Variants in GPR63 observed in about 807,000 individuals in gnomAD.
GPR63 encodes the protein G protein-coupled receptor 63.
In GPR63, 12 loss-of-function variants were observed where a neutral mutation model predicts 23.1. That is an observed-to-expected ratio of 0.52 (90% CI 0.33 to 0.84). The LOEUF is 0.84. Ranked by LOEUF, GPR63 falls within the 40% of genes least tolerant of loss-of-function variation. The probability of loss-of-function intolerance (pLI) is 0.02; values close to 1 mark genes in which losing one functional copy is unlikely to be tolerated. For missense variants in GPR63, 472 were observed against 515.6 expected, an observed-to-expected ratio of 0.92 and a Z score of 0.82; for synonymous variants, 172 against 191.1, an observed-to-expected ratio of 0.90 and a Z score of 0.82.
At chr6:96,800,276 A>T (rs912791047) in intron 1 of GPR63, among the ~76,000 whole-genome samples, 2 of 151,308 alleles carry the variant, frequency 1.3e-5, no homozygotes, top group African/African-American at 4.9e-5. Flanking sequence ...CTTGAGCACT[A>T]TTTTTTTTTA....
chr6:96,801,478 C>T (rs969085808), intron 1 of GPR63, among the ~76,000 whole-genome samples: 1 of 152,126 alleles, frequency 6.6e-6, no homozygotes, highest in Non-Finnish European at 1.5e-5. Context: ...GGATTACAGG[C>T]GTGAGCCACT....
intron 1 of GPR63, among the ~76,000 whole-genome samples, chr6:96,820,449 T>C (rs1774285769): frequency 6.6e-6 from 1 of 152,194 alleles, no homozygotes; most frequent in Non-Finnish European, 1.5e-5. Flanking sequence ...AATTTAAATA[T>C]GGTGCTTTAC....
chr6:96,804,242 A>T (rs1773842814), intron 1 of GPR63, among the ~76,000 whole-genome samples: 1 of 151,924 alleles, frequency 6.6e-6, no homozygotes. Context: ...GGAGTGCTTT[A>T]TTTTATTTTT....
Position 96,795,735 on chromosome 6 carries a change from G to T in GPR63, c.*2737C>A, listed in dbSNP as rs1363301240. ...CAGTTTCACCTCCAGCCAAAAAGGA[G>T]TCTTCATGACCTATCAATATGTAAG... On this transcript the variant is annotated 3_prime_UTR_variant, in exon 2 of 2. Transcript: ENST00000229955. 6.6e-6 allele frequency: 1 copy of T among 152,174 alleles called. No individual in the cohort carries two copies. The allele number at this position is 152,174 out of a possible 1,614,324, so 9.4% of individuals were successfully genotyped here.
At chr6:96,832,570 G>C (rs1774615796) in intron 1 of GPR63, among the ~76,000 whole-genome samples, 1 of 151,924 alleles carries the variant, frequency 6.6e-6, no homozygotes, top group Non-Finnish European at 1.5e-5. Context: ...GCCATGCCTG[G>C]CCTCTAAATT....
At chr6:96,813,898 T>C (rs1181103568) in intron 1 of GPR63, among the ~76,000 whole-genome samples, 2 of 152,154 alleles carry the variant, frequency 1.3e-5, no homozygotes, top group African/African-American at 4.8e-5. Flanking sequence ...GATGGCATCA[T>C]ATGAACATCT....
intron 1 of GPR63, among the ~76,000 whole-genome samples, chr6:96,801,373 A>G (rs897008987): frequency 6.6e-6 from 1 of 151,866 alleles, no homozygotes; most frequent in East Asian, 1.9e-4. Context: ...CTAATTTTGT[A>G]TTTTTAGTAG....
intron 1 of GPR63, among the ~76,000 whole-genome samples, chr6:96,812,946 T>C (rs922614090): frequency 6.6e-6 from 1 of 152,096 alleles, no homozygotes; most frequent in Non-Finnish European, 1.5e-5. Context: ...AACTTCTACC[T>C]TCTATCTAAC....
At chr6:96,815,381 T>G (rs1774139095) in intron 1 of GPR63, among the ~76,000 whole-genome samples, 1 of 152,274 alleles carries the variant, frequency 6.6e-6, no homozygotes. Flanking sequence ...GTCAAACTCA[T>G]AGAAGCAGAG....
intron 1 of GPR63, among the ~76,000 whole-genome samples, chr6:96,835,678 A>T (rs763647989): frequency 7.2e-5 from 11 of 152,330 alleles, no homozygotes; most frequent in Non-Finnish European, 1.6e-4. Flanking sequence ...TGAAATTTTC[A>T]GAAAATGCTT....
rs1774761999 is a variant in GPR63 at position 96,837,337 on chromosome 6, C to CG, written c.-221dup. ...GAGCATGGCTCCATGTAGTCCCTCC[C>CG]GGAACTTTCCTGACATAGCACTTCT... On this transcript the variant is annotated 5_prime_UTR_variant, in exon 1 of 2. The change creates a premature stop within an existing upstream ORF in the 5' untranslated region. Coordinates refer to ENST00000229955, the MANE Select transcript of GPR63 (RefSeq NM_030784.4). The CG allele has an allele frequency of 6.6e-6, 1 of 152,392 alleles. No individual in the cohort carries two copies. The highest frequency in any genetic ancestry group is 1.5e-5 in the Non-Finnish European group (1 of 68,182). 9.4% of individuals were successfully genotyped at this position (152,392 alleles called of 1,614,324 possible).
At chr6:96,834,134 G>A (rs912925617) in intron 1 of GPR63, among the ~76,000 whole-genome samples, 5 of 152,148 alleles carry the variant, frequency 3.3e-5, no homozygotes, top group African/African-American at 7.2e-5. Context: ...CTGGTGCAGA[G>A]GCTAGAATGC....
intron 1 of GPR63, among the ~76,000 whole-genome samples, chr6:96,836,073 C>A (rs1049563040): frequency 2.6e-5 from 4 of 151,994 alleles, no homozygotes; most frequent in African/African-American, 9.7e-5. Flanking sequence ...GACTTTTCAT[C>A]AGCACCTTAG....
At chr6:96,816,539 GAA>G (rs1172363711) in intron 1 of GPR63, among the ~76,000 whole-genome samples, 1 of 152,134 alleles carries the variant, frequency 6.6e-6, no homozygotes, top group Non-Finnish European at 1.5e-5. Context: ...AAAGCAGGGA[GAA>G]CCTGAGAGGC....
chr6:96,833,842 G>A (rs1774653884), intron 1 of GPR63, among the ~76,000 whole-genome samples: 4 of 151,714 alleles, frequency 2.6e-5, no homozygotes, highest in African/African-American at 9.7e-5. Context: ...TTGTATCTGG[G>A]AAGATGTAAT....
chr6:96,822,318 C>A (rs2127956567), intron 1 of GPR63, among the ~76,000 whole-genome samples: 1 of 152,172 alleles, frequency 6.6e-6, no homozygotes, highest in East Asian at 1.9e-4. Context: ...TCTGTTTTGA[C>A]CTTGATTCAC....
At position 96,798,899 on chromosome 6, in the gene GPR63, CTA is replaced by C; in HGVS notation, c.831_832del (p.His277GlnfsTer4). Reference sequence around the variant, plus strand: ...GCTGAGGCATATACCTTCAGGGTAGCTATGGATCCTCAAGGCATTGTGCCGAA... The same window carrying C: ...GCTGAGGCATATACCTTCAGGGTAGCTGGATCCTCAAGGCATTGTGCCGAA... On this transcript the variant is annotated frameshift_variant, in exon 2 of 2. Transcript: ENST00000229955. LOFTEE classifies it high-confidence loss of function. 1 of 1,614,156 alleles carries C rather than the reference CTA, an allele frequency of 6.2e-7. No individual in the cohort carries two copies. Among genetic ancestry groups the C allele is most frequent in the Non-Finnish European group, 8.5e-7 (1 of 1,180,036 alleles).
intron 1 of GPR63, among the ~76,000 whole-genome samples, chr6:96,835,389 ATG>A (rs1240032061): frequency 6.6e-6 from 1 of 152,286 alleles, no homozygotes; most frequent in South Asian, 2.1e-4. Flanking sequence ...ATATAGATAT[ATG>A]TGTGATATGG....
chr6:96,809,142 C>G (rs574533687), intron 1 of GPR63, among the ~76,000 whole-genome samples: 1 of 151,946 alleles, frequency 6.6e-6, no homozygotes. Context: ...AATAAAAGAC[C>G]ATCCTTGGAT....
Sources: allele counts gnomAD v4.1 joint callset (sites outside exome capture counted in the v4.1 genomes callset), GRCh38; gene constraint gnomAD v4.1.1; transcripts MANE v1.5; gene names NCBI Gene and HGNC (gene_info 2026-07-23, HGNC 2026-07-21).